CFP: variants seen among roughly 807,000 people sequenced by gnomAD.
CFP encodes complement factor properdin.
CFP carries 14 observed loss-of-function variants against 42.1 expected under a neutral mutation model. The ratio of observed to expected loss-of-function variants is 0.33; its 90% confidence interval spans 0.22 to 0.52. The LOEUF (loss-of-function observed/expected upper bound fraction) is 0.52, where lower values mean the gene tolerates loss of function less well. CFP is among the 20% of genes least tolerant of loss of function. The pLI, the probability that CFP is intolerant of heterozygous loss-of-function variation, is 0.96. For missense variants in CFP, 318 were observed against 400.4 expected, an observed-to-expected ratio of 0.79 and a Z score of 1.76; for synonymous variants, 149 against 160.6, an observed-to-expected ratio of 0.93 and a Z score of 0.54.
rs1030100218 is a variant in CFP, at chrX:47,629,542, C to T, written c.209G>A (p.Gly70Glu). ...TAFAYQKRSGGLCQPCRSPRW... is the reference protein window; with the variant it reads ...TAFAYQKRSGELCQPCRSPRW... The stretch of plus-strand genomic sequence containing the variant: ...CCCTAACCTGCAAGGCTGACAGAGC[C>T]CACCACTACGTTTCTGGTAGGCAAA... The change falls in exon 2 of 9, where the codon GGG becomes GAG. Residue 70 changes from glycine to glutamate, a missense_variant. By Grantham distance (98) the Gly-to-Glu change is moderately conservative (BLOSUM62 -2). Coordinates refer to ENST00000396992, the MANE Select transcript of CFP (RefSeq NM_001145252.3). 8.3e-5 allele frequency: 97 copies of T among 1,163,589 alleles called. No individual in the cohort carries two copies. The highest frequency in any genetic ancestry group is 1.1e-4 in the Non-Finnish European group (94 of 871,152).
In CFP at chrX:47,626,426, G is replaced by A. The variant is rs776208193; in HGVS notation, c.1034C>T (p.Ser345Leu). The change falls in exon 7 of 9, where the codon TCA becomes TTA. Residue 345 changes from serine to leucine, a missense_variant. Coordinates refer to ENST00000396992, the MANE Select transcript of CFP (RefSeq NM_001145252.3). ...ISCQEIPGQQ[S>L]RGRTCRGRKF... ...GCGGCCCCTGCAGGTCCTCCCGCGT[G>A]ACTGCTGGCCCGGGATTTCTTGACA... The A allele has an allele frequency of 1.2e-5, 15 of 1,209,814 alleles. No homozygotes were observed. Among genetic ancestry groups the A allele is most frequent in the African/African-American group, 1.1e-4 (6 of 57,071 alleles).
intron 4 of CFP, 26 bp from the exon 5 acceptor site, chrX:47,627,358 A>T: frequency 8.4e-7 from 1 of 1,184,435 alleles, no homozygotes; most frequent in Non-Finnish European, 1.1e-6. Context: ...AGGTGGAGGG[A>T]TGCAGGTGTG....
chrX:47,626,614 G>A (rs994783436), intron 6 of CFP, 95 bp from the exon 7 acceptor site: 5 of 1,047,563 alleles, frequency 4.8e-6, no homozygotes, highest in Middle Eastern at 2.5e-4. Context: ...GAGTAGAGGT[G>A]ATCAGATGTG....
chrX:47,624,500 T>C, intron 8 of CFP, 60 bp from the exon 9 acceptor site: 5 of 1,050,255 alleles, frequency 4.8e-6, no homozygotes, highest in Non-Finnish European at 6.5e-6. Context: ...CAAGAATGCA[T>C]TCAATTCTTA....
At position 47,624,416 on chromosome X, in the gene CFP, A is replaced by T. The variant is rs373434543; in HGVS notation, c.1269T>A (p.Gly423=). Residue 423 remains glycine (G), a synonymous_variant, in exon 9 of 9, where the codon GGT becomes GGA. Coordinates refer to ENST00000396992, the MANE Select transcript of CFP (RefSeq NM_001145252.3). The part of the protein sequence containing the change: ...KYPPTVSMVE[G]QGEKNVTFWG... ...AGAAGGTCACGTTCTTCTCGCCCTG[A>T]CCTTCGACCATGGAAACGGTGGGCC... 9.9e-6 allele frequency: 12 copies of T among 1,207,033 alleles called. No homozygotes were observed. The African/African-American group carries it at 2.1e-4, about 21-fold the overall frequency.
chrX:47,624,703 G>A (rs2057962256), intron 8 of CFP: 1 of 281,999 alleles, frequency 3.5e-6, no homozygotes, highest in Non-Finnish European at 6.2e-6. Context: ...GATTACAGGC[G>A]TGAGCCACTG....
intron 7 of CFP, 49 bp from the exon 8 acceptor site, chrX:47,626,218 G>A: frequency 8.8e-7 from 1 of 1,138,602 alleles, no homozygotes; most frequent in Middle Eastern, 2.4e-4. Context: ...GGTCTTGGTG[G>A]GAAAGTGAGA....
chrX:47,626,581 G>A (rs1307882686), intron 6 of CFP, 62 bp from the exon 7 acceptor site: 8 of 1,145,385 alleles, frequency 7.0e-6, no homozygotes, highest in Non-Finnish European at 9.5e-6. Context: ...GGGTTCAGAG[G>A]AAGGAATGAG....
Position 47,627,143 on chromosome X carries a change from G to A in CFP, c.764C>T (p.Pro255Leu). The A allele has an allele frequency of 8.3e-7, 1 of 1,211,574 alleles. No individual in the cohort carries two copies. Among genetic ancestry groups the A allele is most frequent in the Non-Finnish European group, 1.1e-6 (1 of 895,185 alleles). Reference protein sequence around the residue: ...QRRCTGLPPCPVAGGWGPWGP... With the variant: ...QRRCTGLPPCLVAGGWGPWGP... ...TCAGCAGCCTCATCCTGGTGTACCT[G>A]GGCAGGGTGGCAGGCCGGTGCACCT... The change falls in exon 5 of 9, where the codon CCA becomes CTA. Residue 255 changes from proline to leucine, a missense_variant and splice_region_variant. Coordinates refer to ENST00000396992, the MANE Select transcript of CFP (RefSeq NM_001145252.3).
chrX:47,626,854 G>A lies in CFP; in HGVS notation c.859C>T (p.Pro287Ser). The A allele has an allele frequency of 1.7e-6, 2 of 1,209,969 alleles. No homozygotes were observed. Among genetic ancestry groups the A allele is most frequent in the Non-Finnish European group, 2.2e-6 (2 of 894,365 alleles). ...AAGGGGCCCCCATGCTGGGGCACAG[G>A]GTGATTGCACGTCCGTTGTTCCATG... ...QTMEQRTCNH[P>S]VPQHGGPFCA... is the part of the protein sequence containing the mutation. The change falls in exon 6 of 9, where the codon CCT becomes TCT. Residue 287 changes from proline to serine, a missense_variant. Coordinates refer to ENST00000396992, the MANE Select transcript of CFP (RefSeq NM_001145252.3).
At position 47,626,051 on chromosome X, in the gene CFP, C is replaced by T. The variant is rs2057966749; in HGVS notation, c.1244+7G>A. 6.0e-6 allele frequency: 7 copies of T among 1,165,452 alleles called. No homozygotes were observed. In the East Asian group the frequency reaches 1.9e-4, roughly 32 times the overall value. ...CCCTCCCAGGCATACTTTGCCCTCT[C>T]ACTCACGGGTACTTGGGGAGCAAGG... is the stretch of plus-strand genomic sequence containing the variant. On this transcript the variant is annotated splice_region_variant and intron_variant, in intron 8 of 8. Transcript: ENST00000396992.
At chrX:47,629,206 C>A in intron 2 of CFP, 1 of 283,769 alleles carries the variant, frequency 3.5e-6, no homozygotes, top group Non-Finnish European at 6.2e-6. Flanking sequence ...ATTTTGACCC[C>A]CAGGGGACAT....
chrX:47,624,485 G>A, intron 8 of CFP, 45 bp from the exon 9 acceptor site: 6 of 1,147,559 alleles, frequency 5.2e-6, no homozygotes, highest in Non-Finnish European at 7.1e-6. Context: ...GAATCTCAGG[G>A]AAGGCAAGAA....
At chrX:47,629,986 C>T, upstream of CFP, 2 of 567,394 alleles carry the variant, frequency 3.5e-6, no homozygotes, top group Non-Finnish European at 5.9e-6. Flanking sequence ...CACCCTGTCC[C>T]CTCTGCCTCC....
At chrX:47,625,733 A>AGAT in intron 8 of CFP, 1 of 331,106 alleles carries the variant, frequency 3.0e-6, no homozygotes, top group Non-Finnish European at 5.4e-6. Context: ...GGCATGAGTG[A>AGAT]CTGTGGGAGG....
chrX:47,630,224 G>A, upstream of CFP: 1 of 236,793 alleles, frequency 4.2e-6, no homozygotes, highest in East Asian at 1.0e-4. Context: ...TTCCCTATGT[G>A]GAAAATGCAT....
rs1194131964 is a variant in CFP, at chrX:47,624,201, T to C, written c.*74A>G. ...AGGTTGTTTTTCCTCCTTTAAGGAA[T>C]CGTAGACGAACTCGAAGAGGCTAGT... On this transcript the variant is annotated 3_prime_UTR_variant, in exon 9 of 9. Transcript: ENST00000396992. 8.9e-7 allele frequency: 1 copy of C among 1,117,669 alleles called. No homozygotes were observed. Among genetic ancestry groups the C allele is most frequent in the Non-Finnish European group, 1.2e-6 (1 of 809,805 alleles). 92.1% of individuals were successfully genotyped at this position (1,117,669 alleles called of 1,213,427 possible).
In CFP at chrX:47,626,675, A is replaced by T. The variant is rs879188481; in HGVS notation, c.940+98T>A. The T allele has an allele frequency of 5.6e-5, 60 of 1,075,533 alleles. No homozygotes were observed. The South Asian group carries it at 1.3e-3, about 22-fold the overall frequency. 88.6% of individuals were successfully genotyped at this position (1,075,533 alleles called of 1,213,427 possible). On this transcript the variant is annotated intron_variant, in intron 6 of 8. Transcript: ENST00000396992. ...AAGGTATCAGGGCCAGGAAAGGAGGAATCAGAGACAGGAACAAGGCCTCAG... is the reference window on the plus strand; with the variant it reads ...AAGGTATCAGGGCCAGGAAAGGAGGTATCAGAGACAGGAACAAGGCCTCAG...
At chrX:47,624,539 CT>C (rs11385461) in intron 8 of CFP, 99 bp from the exon 9 acceptor site, 28,220 of 273,455 alleles carry the variant, frequency 0.1, 12 homozygotes, top group East Asian at 0.13. Context: ...CCGAGGGCTA[CT>C]TTTTTTTTTT....
Sources: gnomAD v4.1 joint callset for allele counts on GRCh38, gnomAD v4.1.1 for gene constraint, MANE v1.5 for transcripts, NCBI Gene and HGNC (gene_info 2026-07-23, HGNC 2026-07-21) for gene names.